Variants in RERG observed in about 807,000 individuals in gnomAD.
RERG encodes ras-related and estrogen-regulated growth inhibitor.
RERG carries 25 observed loss-of-function variants against 23.2 expected under a neutral mutation model. That is an observed-to-expected ratio of 1.08 (90% CI 0.79 to 1.50). RERG has a LOEUF of 1.50. RERG is among the 40% of genes most tolerant of loss of function. The pLI, the probability that RERG is intolerant of heterozygous loss-of-function variation, is 0.00. For synonymous variants in RERG, 81 were observed against 89.1 expected (o/e 0.91, Z 0.51); for missense variants, 253 against 250.1 (o/e 1.01, Z -0.08).
chr12:15,125,101 C>T (rs1393284128), intron 2 of RERG, among the ~76,000 whole-genome samples: 2 of 151,864 alleles, frequency 1.3e-5, no homozygotes, highest in African/African-American at 4.8e-5. Flanking sequence ...ACATAGTTAC[C>T]TATAAGTTGT....
intron 2 of RERG, among the ~76,000 whole-genome samples, chr12:15,181,859 T>C (rs1487096424): frequency 6.6e-6 from 1 of 152,062 alleles, no homozygotes; most frequent in Non-Finnish European, 1.5e-5. Context: ...TGCAGGGCAT[T>C]GCAAAGGTGT....
intron 2 of RERG, among the ~76,000 whole-genome samples, chr12:15,174,728 C>A: frequency 6.6e-6 from 1 of 151,850 alleles, no homozygotes. Context: ...CTTCTGTCAG[C>A]TAAAATCTGC....
At chr12:15,135,177 T>C (rs1244421149) in intron 2 of RERG, among the ~76,000 whole-genome samples, 1 of 152,212 alleles carries the variant, frequency 6.6e-6, no homozygotes, top group African/African-American at 2.4e-5. Flanking sequence ...TATTTCATCT[T>C]GTGCTAACAT....
At chr12:15,195,105 G>A (rs59770037) in intron 2 of RERG, among the ~76,000 whole-genome samples, 7,307 of 152,096 alleles carry the variant, frequency 0.048, 594 homozygotes, top group African/African-American at 0.16. Context: ...CTTGAATAAA[G>A]CCCTTCTGAA....
chr12:15,195,551 C>CTCTG (rs1346436862), intron 2 of RERG, among the ~76,000 whole-genome samples: 1 of 128,228 alleles, frequency 7.8e-6, no homozygotes, highest in Non-Finnish European at 1.7e-5. Context: ...GCAAGCTTGG[C>CTCTG]TGTGTGTGTG....
chr12:15,215,359 C>G (rs1865426134), intron 2 of RERG, among the ~76,000 whole-genome samples: 1 of 152,084 alleles, frequency 6.6e-6, no homozygotes, highest in African/African-American at 2.4e-5. Context: ...GAGAAGTGCG[C>G]AGACGAAGAG....
chr12:15,165,808 G>A (rs1300836745), intron 2 of RERG, among the ~76,000 whole-genome samples: 1 of 152,016 alleles, frequency 6.6e-6, no homozygotes, highest in Non-Finnish European at 1.5e-5. Flanking sequence ...ATCAACTAAC[G>A]GCCTCACTCT....
chr12:15,158,129 C>T (rs574370276), intron 2 of RERG, among the ~76,000 whole-genome samples: 44 of 152,246 alleles, frequency 2.9e-4, no homozygotes, highest in African/African-American at 1.1e-3. Context: ...ATCTAATCCA[C>T]AGTCTATATT....
chr12:15,217,428 C>T lies in RERG; in HGVS notation c.61+1G>A. On this transcript the variant is annotated splice_donor_variant, in intron 2 of 4. Coordinates refer to ENST00000256953, the MANE Select transcript of RERG (RefSeq NM_032918.3). LOFTEE classifies it high-confidence loss of function. ...TATAACAACCACAACGAAAATCTTA[C>T]CTGACTTGCCCACGCCTGCTCTCCC... 1 of 1,609,878 alleles carries T rather than the reference C, an allele frequency of 6.2e-7. No individual in the cohort carries two copies. Among genetic ancestry groups the T allele is most frequent in the Non-Finnish European group, 8.5e-7 (1 of 1,176,214 alleles).
At chr12:15,184,208 A>G (rs1864960859) in intron 2 of RERG, among the ~76,000 whole-genome samples, 1 of 152,198 alleles carries the variant, frequency 6.6e-6, no homozygotes, top group Non-Finnish European at 1.5e-5. Flanking sequence ...TTCTATTTCT[A>G]TTATGTTAAT....
chr12:15,111,139 C>A, intron 4 of RERG: 1 of 438,376 alleles, frequency 2.3e-6, no homozygotes, highest in Non-Finnish European at 4.0e-6. Context: ...TTTCAAAACC[C>A]CCTTGAAACA....
At chr12:15,110,270 C>T (rs1032655808) in intron 4 of RERG, among the ~76,000 whole-genome samples, 5 of 151,936 alleles carry the variant, frequency 3.3e-5, no homozygotes, top group African/African-American at 7.3e-5. Context: ...TGCCTCTCTT[C>T]GGAATCAGTG....
chr12:15,162,180 GT>G (rs1269289549), intron 2 of RERG, among the ~76,000 whole-genome samples: 4 of 152,210 alleles, frequency 2.6e-5, no homozygotes, highest in Non-Finnish European at 4.4e-5. Context: ...GAAGAGGAAT[GT>G]TTGAGGGCCG....
At chr12:15,117,111 T>C (rs901617046) in intron 3 of RERG, among the ~76,000 whole-genome samples, 1 of 151,014 alleles carries the variant, frequency 6.6e-6, no homozygotes, top group East Asian at 2.0e-4. Context: ...CAAAGGGATA[T>C]TGCATGTGGT....
Position 15,211,300 on chromosome 12 carries a change from C to T in RERG, c.61+6129G>A, listed in dbSNP as rs1009497775. 2.7e-3 allele frequency among the ~76,000 whole-genome samples: 410 copies of T among 151,542 alleles called. 3 individuals carry two copies. Among genetic ancestry groups the T allele is most frequent in the African/African-American group, 9.2e-3 (382 of 41,310 alleles). On this transcript the variant is annotated intron_variant, in intron 2 of 4. Coordinates refer to ENST00000256953, the MANE Select transcript of RERG (RefSeq NM_032918.3). ...GTCATTTTATACACACACACACACA[C>T]ACACACACACACACACACACACACA...
rs576198946 is a variant in RERG at position 15,184,650 on chromosome 12, G to A, written c.61+32779C>T. 7.9e-5 allele frequency among the ~76,000 whole-genome samples: 12 copies of A among 152,272 alleles called. No homozygotes were observed. The East Asian group carries it at 1.4e-3, about 17-fold the overall frequency. ...TGAAGTGATGAATTTAATAGCGTCC[G>A]ATGACAGCAAATCATAATGACAGAA... On this transcript the variant is annotated intron_variant, in intron 2 of 4. Coordinates refer to ENST00000256953, the MANE Select transcript of RERG (RefSeq NM_032918.3).
chr12:15,113,430 A>G (rs1399956290), intron 3 of RERG, among the ~76,000 whole-genome samples: 1 of 152,142 alleles, frequency 6.6e-6, no homozygotes, highest in Non-Finnish European at 1.5e-5. Flanking sequence ...ATGCAATTAA[A>G]ACTTGGCATT....
At chr12:15,147,449 A>G (rs1212551507) in intron 2 of RERG, among the ~76,000 whole-genome samples, 1 of 152,264 alleles carries the variant, frequency 6.6e-6, no homozygotes, top group Non-Finnish European at 1.5e-5. Context: ...AAGATAGAGA[A>G]AAACTGGAAT....
intron 2 of RERG, among the ~76,000 whole-genome samples, chr12:15,186,999 T>TTTGTTGATTTC (rs1265709935): frequency 2.0e-5 from 3 of 152,202 alleles, no homozygotes; most frequent in Non-Finnish European, 4.4e-5. Context: ...AACATGGGGA[T>TTTGTTGATTTC]AATTTGATTT....
Sources: allele counts gnomAD v4.1 joint callset (sites outside exome capture counted in the v4.1 genomes callset), GRCh38; gene constraint gnomAD v4.1.1; transcripts MANE v1.5; gene names NCBI Gene and HGNC (gene_info 2026-07-23, HGNC 2026-07-21).